Variants in AGBL4 observed in about 807,000 individuals in gnomAD.
AGBL4 encodes AGBL carboxypeptidase 4.
A neutral mutation model predicts 66.4 loss-of-function variants in AGBL4; 58 were observed. That is an observed-to-expected ratio of 0.87 (90% CI 0.71 to 1.09). The LOEUF (loss-of-function observed/expected upper bound fraction) is 1.09, where lower values mean the gene tolerates loss of function less well. Ranked by LOEUF, AGBL4 falls within the 50% of genes least tolerant of loss-of-function variation. AGBL4 has a pLI of 0.00. For synonymous variants in AGBL4, 234 were observed against 222.9 expected (o/e 1.05, Z -0.44); for missense variants, 579 against 631.0 (o/e 0.92, Z 0.88).
rs75196664 is a variant in AGBL4 at position 48,575,283 on chromosome 1, G to A, written c.1267+11721C>T. ...TCTGACAAACTGGATCTGGGCTCCC[G>A]AGGGGAATCAGGAGGAAGGAGATCC... On this transcript the variant is annotated intron_variant, in intron 11 of 13. Coordinates refer to ENST00000371839, the MANE Select transcript of AGBL4 (RefSeq NM_032785.4). 3.9e-3 allele frequency among the ~76,000 whole-genome samples: 587 copies of A among 152,256 alleles called. 8 individuals carry two copies. Among genetic ancestry groups the A allele is most frequent in the African/African-American group, 0.012 (482 of 41,538 alleles).
chr1:49,014,379 G>A (rs1315642909), intron 5 of AGBL4, among the ~76,000 whole-genome samples: 1 of 152,188 alleles, frequency 6.6e-6, no homozygotes, highest in Non-Finnish European at 1.5e-5. Flanking sequence ...AGGCTTTGGA[G>A]CCAAAACTTT....
At chr1:48,526,555 A>G in the AGBL4 span, among the ~76,000 whole-genome samples, 1 of 152,206 alleles carries the variant, frequency 6.6e-6, no homozygotes, top group Non-Finnish European at 1.5e-5. Context: ...GATTAGTAGT[A>G]GCAGCAATAT....
intron 4 of AGBL4, among the ~76,000 whole-genome samples, chr1:49,128,811 A>AT (rs1645820748): frequency 6.6e-6 from 1 of 152,078 alleles, no homozygotes; most frequent in Non-Finnish European, 1.5e-5. Flanking sequence ...TTTGGCAAAG[A>AT]TTTTTTAAAT....
At chr1:49,687,946 C>A (rs553984604) in intron 3 of AGBL4, among the ~76,000 whole-genome samples, 1 of 152,128 alleles carries the variant, frequency 6.6e-6, no homozygotes, top group South Asian at 2.1e-4. Flanking sequence ...TTTATGGGCA[C>A]ATAGTGGGTA....
intron 3 of AGBL4, among the ~76,000 whole-genome samples, chr1:49,254,990 T>C (rs1026723463): frequency 1.3e-5 from 2 of 152,154 alleles, no homozygotes; most frequent in African/African-American, 2.4e-5. Context: ...ACCCCTTCCT[T>C]ACACCATCTA....
chr1:49,878,075 G>C (rs1442098288), intron 1 of AGBL4, among the ~76,000 whole-genome samples: 28 of 149,534 alleles, frequency 1.9e-4, no homozygotes, highest in Admixed American at 6.6e-5. Context: ...TCTTGCTAGC[G>C]GTCTATCAAT....
At chr1:49,166,901 C>A (rs976119680) in intron 4 of AGBL4, among the ~76,000 whole-genome samples, 3 of 152,136 alleles carry the variant, frequency 2.0e-5, no homozygotes, top group Non-Finnish European at 4.4e-5. Context: ...CTTCATGATT[C>A]TTTTCTTCCC....
chr1:49,271,516 G>GCACACA (rs57311875), intron 3 of AGBL4, among the ~76,000 whole-genome samples: 1,548 of 144,268 alleles, frequency 0.011, 23 homozygotes, highest in African/African-American at 0.03. Flanking sequence ...TTAAAAGATA[G>GCACACA]CACACACACA....
intron 2 of AGBL4, among the ~76,000 whole-genome samples, chr1:49,831,070 G>C (rs940023331): frequency 6.6e-6 from 1 of 151,994 alleles, no homozygotes; most frequent in African/African-American, 2.4e-5. Context: ...CTTTTTGCTT[G>C]GGATTGTCTT....
At chr1:49,427,682 G>A (rs1321221842) in intron 3 of AGBL4, among the ~76,000 whole-genome samples, 1 of 152,204 alleles carries the variant, frequency 6.6e-6, no homozygotes, top group African/African-American at 2.4e-5. Context: ...GCTCATAAAG[G>A]TGGTGAGGAC....
chr1:49,215,734 C>T (rs1177793377), intron 4 of AGBL4, among the ~76,000 whole-genome samples: 3 of 151,998 alleles, frequency 2.0e-5, no homozygotes, highest in South Asian at 2.1e-4. Context: ...TCACCTCGAC[C>T]GCGTTTGCTC....
intron 1 of AGBL4, among the ~76,000 whole-genome samples, chr1:49,983,529 G>A (rs1201420000): frequency 6.6e-6 from 1 of 152,252 alleles, no homozygotes; most frequent in African/African-American, 2.4e-5. Context: ...CAGGCAGCCT[G>A]CCAGGTGAAG....
Position 49,112,059 on chromosome 1 carries a change from C to T in AGBL4, c.378-66259G>A, listed in dbSNP as rs115012893. On this transcript the variant is annotated intron_variant, in intron 4 of 13. Transcript: ENST00000371839. ...AGTAGTTTCACAATCCTAGCAACTG[C>T]CTAGCTTTGTCTGTGTTCTACTTAG... 7.8e-3 allele frequency among the ~76,000 whole-genome samples: 1,186 copies of T among 152,254 alleles called. 4 individuals carry two copies. The highest frequency in any genetic ancestry group is 0.012 in the Non-Finnish European group (827 of 68,018).
chr1:49,227,761 T>C (rs1650020718), intron 4 of AGBL4, among the ~76,000 whole-genome samples: 1 of 152,230 alleles, frequency 6.6e-6, no homozygotes, highest in Non-Finnish European at 1.5e-5. Context: ...TCTGATCTCA[T>C]CATAAGACCC....
chr1:48,853,830 C>T (rs1384968156), intron 6 of AGBL4, among the ~76,000 whole-genome samples: 1 of 152,080 alleles, frequency 6.6e-6, no homozygotes, highest in Non-Finnish European at 1.5e-5. Flanking sequence ...TCCCTGATGC[C>T]CCATAAGTGT....
intron 2 of AGBL4, among the ~76,000 whole-genome samples, chr1:49,779,887 T>C (rs1019802451): frequency 6.6e-5 from 10 of 151,220 alleles, no homozygotes; most frequent in African/African-American, 2.4e-4. Flanking sequence ...AGACACACAA[T>C]AGGCAAAACG....
chr1:48,865,967 G>A (rs1648028525), intron 6 of AGBL4, among the ~76,000 whole-genome samples: 1 of 152,162 alleles, frequency 6.6e-6, no homozygotes, highest in Non-Finnish European at 1.5e-5. Flanking sequence ...TCATATATAT[G>A]TTAAATGTAG....
At chr1:49,476,858 T>C (rs555689234) in intron 3 of AGBL4, among the ~76,000 whole-genome samples, 1 of 152,206 alleles carries the variant, frequency 6.6e-6, no homozygotes, top group African/African-American at 2.4e-5. Flanking sequence ...ATCCCAGGCA[T>C]GGCAGCATTC....
chr1:49,498,536 C>T lies in AGBL4; in HGVS notation c.282+198777G>A, dbSNP rs186304833. 1.6e-3 allele frequency among the ~76,000 whole-genome samples: 242 copies of T among 151,176 alleles called. 2 individuals are homozygous for T. The highest frequency in any genetic ancestry group is 4.9e-3 in the African/African-American group (202 of 41,258). ...CTTTTTAAAGGCTAATATAATATTC[C>T]GTTGTGTATATATACTACAGAGTTG... On this transcript the variant is annotated intron_variant, in intron 3 of 13. Coordinates refer to ENST00000371839, the MANE Select transcript of AGBL4 (RefSeq NM_032785.4).
Sources: gnomAD v4.1 joint callset for allele counts (sites outside exome capture counted in the v4.1 genomes callset) on GRCh38, gnomAD v4.1.1 for gene constraint, MANE v1.5 for transcripts, NCBI Gene and HGNC (gene_info 2026-07-23, HGNC 2026-07-21) for gene names.